The following FPGT variants were observed in gnomAD, a reference collection of about 807,000 sequenced individuals.
The protein encoded by FPGT is GDP-L-fucose diphosphorylase.
FPGT carries 41 observed loss-of-function variants against 45.8 expected under a neutral mutation model. That is an observed-to-expected ratio of 0.90 (90% CI 0.70 to 1.16). The LOEUF (loss-of-function observed/expected upper bound fraction) is 1.16, where lower values mean the gene tolerates loss of function less well. Ranked by LOEUF, FPGT falls within the 50% of genes most tolerant of loss-of-function variation. FPGT has a pLI of 0.00. For synonymous variants in FPGT, 292 were observed against 247.2 expected (o/e 1.18, Z -1.70); for missense variants, 755 against 689.1 (o/e 1.10, Z -1.07).
chr1:74,204,653 A>G lies in FPGT; in HGVS notation c.606A>G (p.Thr202=). ...AHPSSLTIGT[T]HGVFVLDPFD... is the part of the protein sequence containing the mutation. ...CTTCTAGTTTGACGATAGGTACCAC[A>G]CATGGAGTATTTGTCTTAGATCCTT... The change falls in exon 4 of 4, where the codon ACA becomes ACG. Residue 202 remains threonine (T), a synonymous_variant. Coordinates refer to ENST00000370898, the MANE Select transcript of FPGT (RefSeq NM_003838.5). 6.2e-7 allele frequency: 1 copy of G among 1,613,658 alleles called. No homozygotes were observed. The highest frequency in any genetic ancestry group is 8.5e-7 in the Non-Finnish European group (1 of 1,179,562).
Position 74,205,685 on chromosome 1 carries a change from T to C in FPGT, c.1638T>C (p.Asn546=), listed in dbSNP as rs1401599037. 6.2e-6 allele frequency: 10 copies of C among 1,611,902 alleles called. No homozygotes were observed. The highest frequency in any genetic ancestry group is 7.6e-6 in the Non-Finnish European group (9 of 1,178,122). ...DSVITSLKML[N]AVKNKSAFSL... ...TTATAACATCCCTAAAGATGTTAAA[T>C]GCTGTTAAGAACAAGTCAGCATTCA... The change falls in exon 4 of 4, where the codon AAT becomes AAC. Residue 546 remains asparagine, a synonymous_variant. Transcript: ENST00000370898.
intron 1 of FPGT, among the ~76,000 whole-genome samples, chr1:74,199,147 G>A (rs907808772): frequency 6.6e-6 from 1 of 152,168 alleles, no homozygotes; most frequent in Non-Finnish European, 1.5e-5. Flanking sequence ...GCCTATGTAA[G>A]TTTGCATGGT....
At position 74,198,295 on chromosome 1, in the gene FPGT, A is replaced by T. The variant is rs751513361; in HGVS notation, c.17A>T (p.Asp6Val). 1.5e-5 allele frequency: 25 copies of T among 1,613,748 alleles called. 1 individual carries two copies. The highest frequency in any genetic ancestry group is 1.2e-4 in the South Asian group (11 of 91,080). ...GGTGGGGCTATGGCAGCTGCTAGGG[A>T]CCCTCCGGAAGTATCGCTGCGAGAA... Reference protein sequence around the residue: MAAARDPPEVSLREAT... With the variant: MAAARVPPEVSLREAT... The change falls in exon 1 of 4, where the codon GAC (aspartate) becomes GTC (valine). Residue 6 changes from aspartate (D) to valine (V), a missense_variant. Coordinates refer to ENST00000370898, the MANE Select transcript of FPGT (RefSeq NM_003838.5).
chr1:74,199,920 T>C, intron 2 of FPGT, 89 bp downstream of exon 2: 2 of 1,383,848 alleles, frequency 1.4e-6, no homozygotes, highest in East Asian at 2.4e-5. Context: ...GTGTATAAGC[T>C]GCATATCTCT....
At chr1:74,202,161 A>T (rs1651857479) in intron 3 of FPGT, among the ~76,000 whole-genome samples, 1 of 152,252 alleles carries the variant, frequency 6.6e-6, no homozygotes, top group African/African-American at 2.4e-5. Context: ...AGCTTTTTAA[A>T]TTGAATACAT....
rs1475598108 is a variant in FPGT at position 74,207,000 on chromosome 1, G to A, written c.*1168G>A. On this transcript the variant is annotated 3_prime_UTR_variant, in exon 4 of 4. Transcript: ENST00000370898. ...ACCCTCAGTTATGATACTTATGTGC[G>A]TGTTTTTTTTTCCAAAGTTTTTCCC... 6.6e-6 allele frequency: 1 copy of A among 151,826 alleles called. No homozygotes were observed. The highest frequency in any genetic ancestry group is 1.5e-5 in the Non-Finnish European group (1 of 67,916). The allele number at this position is 151,826 out of a possible 1,614,324, so 9.4% of individuals were successfully genotyped here. A position where few individuals can be genotyped will look rare whatever the true frequency, so the allele number is the denominator to read the frequency against.
Position 74,205,439 on chromosome 1 carries a change from A to C in FPGT, c.1392A>C (p.Leu464Phe). The C allele has an allele frequency of 6.2e-7, 1 of 1,614,032 alleles. No homozygotes were observed. The highest frequency in any genetic ancestry group is 1.3e-5 in the African/African-American group (1 of 75,066). Reference protein sequence around the residue: ...CSLSLKMNRCLKYATMAFGVQ... With the variant: ...CSLSLKMNRCFKYATMAFGVQ... ...TAAGCTTAAAGATGAATAGATGCTT[A>C]AAGTATGCAACTATGGCATTTGGAG... Residue 464 changes from leucine (L) to phenylalanine (F), a missense_variant, in exon 4 of 4, where the codon TTA becomes TTC. Physicochemically the swap from Leu to Phe is conservative, Grantham distance 22. Coordinates refer to ENST00000370898, the MANE Select transcript of FPGT (RefSeq NM_003838.5).
In FPGT at chr1:74,208,284, A is replaced by T. The variant is rs1033689506; in HGVS notation, c.*2452A>T. On this transcript the variant is annotated 3_prime_UTR_variant, in exon 4 of 4. Transcript: ENST00000370898. ...ATTTAATCCCTGAATAATGCAGTGT[A>T]CATGATGATAGAGGAGAAGTGTGTT... Among the ~76,000 whole-genome samples the T allele has an allele frequency of 1.4e-4, 22 of 152,012 alleles. No homozygotes were observed. Among genetic ancestry groups the T allele is most frequent in the Non-Finnish European group, 3.1e-4 (21 of 67,906 alleles).
Position 74,205,666 on chromosome 1 carries a change from C to T in FPGT, c.1619C>T (p.Thr540Ile). The change falls in exon 4 of 4, where the codon ACA becomes ATA. Residue 540 changes from threonine to isoleucine, a missense_variant. Coordinates refer to ENST00000370898, the MANE Select transcript of FPGT (RefSeq NM_003838.5). ...TCTTCTTTGAGTGACTCAGTTATAACATCCCTAAAGATGTTAAATGCTGTT... is the reference window on the plus strand; with the variant it reads ...TCTTCTTTGAGTGACTCAGTTATAATATCCCTAAAGATGTTAAATGCTGTT... ...VCSSLSDSVI[T>I]SLKMLNAVKN... 1 of 1,611,654 alleles carries T rather than the reference C, an allele frequency of 6.2e-7. No homozygotes were observed. The highest frequency in any genetic ancestry group is 8.5e-7 in the Non-Finnish European group (1 of 1,177,802).
At chr1:74,201,260 A>G (rs1651762369) in intron 2 of FPGT, 58 bp from the exon 3 acceptor site, 2 of 1,435,250 alleles carry the variant, frequency 1.4e-6, no homozygotes, top group Non-Finnish European at 1.9e-6. Flanking sequence ...TACTGTCATG[A>G]CAAAGTTTTA....
At chr1:74,203,248 T>C (rs1570315457) in intron 3 of FPGT, among the ~76,000 whole-genome samples, 1 of 152,176 alleles carries the variant, frequency 6.6e-6, no homozygotes, top group African/African-American at 2.4e-5. Flanking sequence ...CATCACTAGG[T>C]GATAGGAATT....
chr1:74,205,263 A>T lies in FPGT; in HGVS notation c.1216A>T (p.Ile406Leu). 1.9e-6 allele frequency: 3 copies of T among 1,613,924 alleles called. No individual in the cohort carries two copies. Among genetic ancestry groups the T allele is most frequent in the Non-Finnish European group, 2.5e-6 (3 of 1,179,766 alleles). Reference protein sequence around the residue: ...SGKTSCIIQSILDSRCSVAPG... With the variant: ...SGKTSCIIQSLLDSRCSVAPG... ...CAAAACATCCTGTATCATTCAAAGC[A>T]TACTGGATTCAAGATGTTCTGTGGC... Residue 406 changes from isoleucine to leucine, a missense_variant, in exon 4 of 4, where the codon ATA (isoleucine) becomes TTA (leucine). Transcript: ENST00000370898.
Position 74,205,023 on chromosome 1 carries a change from G to A in FPGT, c.976G>A (p.Glu326Lys), listed in dbSNP as rs999113716. The A allele has an allele frequency of 6.2e-7, 1 of 1,613,766 alleles. No individual in the cohort carries two copies. Among genetic ancestry groups the A allele is most frequent in the Non-Finnish European group, 8.5e-7 (1 of 1,179,808 alleles). Residue 326 changes from glutamate to lysine, a missense_variant, in exon 4 of 4, where the codon GAA becomes AAA. Glu to Lys is a moderately conservative substitution (Grantham distance 56, BLOSUM62 1). Coordinates refer to ENST00000370898, the MANE Select transcript of FPGT (RefSeq NM_003838.5). ...CAGAAACACATCAAATGTCATTAAA[G>A]AAGAGTCAGAGTTGGTAGAAATGAG... ...YTRNTSNVIK[E>K]ESELVEMRQR...
rs1289865391 is a variant in FPGT at position 74,207,162 on chromosome 1, G to A, written c.*1330G>A. Reference sequence around the variant, plus strand: ...TTTTACCAAATCTGAAGTGCCATCAGTTATAAGAATCACCATTATTTTATG... The same window carrying A: ...TTTTACCAAATCTGAAGTGCCATCAATTATAAGAATCACCATTATTTTATG... On this transcript the variant is annotated 3_prime_UTR_variant, in exon 4 of 4. Coordinates refer to ENST00000370898, the MANE Select transcript of FPGT (RefSeq NM_003838.5). The A allele has an allele frequency of 1.3e-5, 2 of 151,942 alleles. No homozygotes were observed. The highest frequency in any genetic ancestry group is 2.9e-5 in the Non-Finnish European group (2 of 67,940). The allele number at this position is 151,942 out of a possible 1,614,324, so 9.4% of individuals were successfully genotyped here. A position where few individuals can be genotyped will look rare whatever the true frequency, so the allele number is the denominator to read the frequency against.
At chr1:74,199,262 C>G (rs1324475371) in intron 1 of FPGT, among the ~76,000 whole-genome samples, 1 of 152,166 alleles carries the variant, frequency 6.6e-6, no homozygotes, top group Non-Finnish European at 1.5e-5. Context: ...CACCAAGTGT[C>G]CGTGATACAT....
intron 2 of FPGT, 83 bp downstream of exon 2, chr1:74,199,914 A>G: frequency 2.1e-6 from 3 of 1,432,570 alleles, no homozygotes; most frequent in South Asian, 2.8e-5. Flanking sequence ...CTTACAGTGT[A>G]TAAGCTGCAT....
In FPGT at chr1:74,204,814, G is replaced by T; in HGVS notation, c.767G>T (p.Gly256Val). ...GNFCQQDFAG[G>V]DIADLKLDSD... ...TTTTGTCAACAGGACTTTGCTGGGGGTGACATTGCCGATCTTAAATTAGAC... is the reference window on the plus strand; with the variant it reads ...TTTTGTCAACAGGACTTTGCTGGGGTTGACATTGCCGATCTTAAATTAGAC... Residue 256 changes from glycine (G) to valine (V), a missense_variant, in exon 4 of 4, where the codon GGT becomes GTT. By Grantham distance (109) the Gly-to-Val change is moderately radical. Coordinates refer to ENST00000370898, the MANE Select transcript of FPGT (RefSeq NM_003838.5). 6.2e-7 allele frequency: 1 copy of T among 1,613,680 alleles called. No homozygotes were observed. The highest frequency in any genetic ancestry group is 1.1e-5 in the South Asian group (1 of 91,058).
chr1:74,199,478 C>T (rs758193227), intron 1 of FPGT, among the ~76,000 whole-genome samples, 186 bp from the exon 2 acceptor site: 2 of 152,298 alleles, frequency 1.3e-5, no homozygotes, highest in Middle Eastern at 6.8e-3. Context: ...GAACAGTCTT[C>T]ATTATAACTA....
intron 3 of FPGT, among the ~76,000 whole-genome samples, chr1:74,202,195 A>G (rs1651859466): frequency 6.6e-6 from 1 of 152,238 alleles, no homozygotes; most frequent in African/African-American, 2.4e-5. Flanking sequence ...AATTTTGGTT[A>G]CATGAAAACC....
Sources: gnomAD v4.1 joint callset for allele counts (sites outside exome capture counted in the v4.1 genomes callset) on GRCh38, gnomAD v4.1.1 for gene constraint, MANE v1.5 for transcripts, NCBI Gene and HGNC (gene_info 2026-07-23, HGNC 2026-07-21) for gene names.